The following DCC variants were observed in gnomAD, a reference collection of about 807,000 sequenced individuals.
DCC encodes the protein netrin receptor DCC.
A neutral mutation model predicts 172.5 loss-of-function variants in DCC; 58 were observed. The ratio of observed to expected loss-of-function variants is 0.34; its 90% CI spans 0.27 to 0.42. The LOEUF (loss-of-function observed/expected upper bound fraction) is 0.42, where lower values mean the gene tolerates loss of function less well. Ranked by LOEUF, DCC falls within the 10% of genes least tolerant of loss-of-function variation. DCC has a pLI of 1.00. For synonymous variants in DCC, 709 were observed against 644.5 expected, an observed-to-expected ratio of 1.10 and a Z score of -1.52; for missense variants, 1,740 against 1,791.0, an observed-to-expected ratio of 0.97 and a Z score of 0.51.
intron 1 of DCC, among the ~76,000 whole-genome samples, chr18:52,349,621 T>C (rs938884765): frequency 1.3e-5 from 2 of 152,146 alleles, no homozygotes; most frequent in East Asian, 1.9e-4. Context: ...TATTTTACAA[T>C]TCATCTGAGA....
chr18:53,369,839 A>G (rs550174314), intron 15 of DCC, among the ~76,000 whole-genome samples: 1 of 151,754 alleles, frequency 6.6e-6, no homozygotes, highest in African/African-American at 2.4e-5. Flanking sequence ...AATATAATAT[A>G]TGCTGCTGAA....
At chr18:52,474,347 T>C (rs370488226) in intron 1 of DCC, among the ~76,000 whole-genome samples, 6 of 152,024 alleles carry the variant, frequency 3.9e-5, no homozygotes, top group Admixed American at 6.6e-5. Flanking sequence ...TTTAGAGGCC[T>C]TATAAGACTC....
intron 12 of DCC, among the ~76,000 whole-genome samples, chr18:53,218,531 T>C (rs2055886473): frequency 6.6e-6 from 1 of 152,146 alleles, no homozygotes; most frequent in South Asian, 2.1e-4. Flanking sequence ...AGAATATTTT[T>C]ACAAAGCTGT....
intron 15 of DCC, among the ~76,000 whole-genome samples, chr18:53,382,104 A>ACACACACACACACACC (rs770734401): frequency 1.9e-5 from 1 of 52,830 alleles, no homozygotes. Flanking sequence ...ACACACACAC[A>ACACACACACACACACC]CCCCTACCTC....
At chr18:52,775,623 G>A (rs2037416618) in intron 2 of DCC, among the ~76,000 whole-genome samples, 1 of 152,276 alleles carries the variant, frequency 6.6e-6, no homozygotes, top group South Asian at 2.1e-4. Flanking sequence ...GCCTCGTCCC[G>A]CCGGTAGATG....
chr18:52,943,157 A>G (rs2040490037), intron 5 of DCC, among the ~76,000 whole-genome samples: 2 of 152,202 alleles, frequency 1.3e-5, no homozygotes, highest in Admixed American at 6.5e-5. Flanking sequence ...TAGAAGCACT[A>G]TTATAAATTT....
At chr18:53,016,911 C>T (rs992906241) in intron 5 of DCC, among the ~76,000 whole-genome samples, 12 of 152,094 alleles carry the variant, frequency 7.9e-5, no homozygotes, top group East Asian at 1.9e-4. Flanking sequence ...ATAAAGATGT[C>T]CTCTGTGAGA....
intron 1 of DCC, among the ~76,000 whole-genome samples, chr18:52,498,807 T>C (rs577951211): frequency 6.6e-6 from 1 of 152,068 alleles, no homozygotes; most frequent in Non-Finnish European, 1.5e-5. Flanking sequence ...ACCTCTGATG[T>C]CTCTTCCTCT....
At chr18:52,675,774 C>A (rs1452269550) in intron 1 of DCC, among the ~76,000 whole-genome samples, 1 of 152,190 alleles carries the variant, frequency 6.6e-6, no homozygotes, top group Non-Finnish European at 1.5e-5. Flanking sequence ...CAAGCGTTGA[C>A]ATAGAAAAAG....
chr18:53,113,429 A>G (rs552027521), intron 7 of DCC, among the ~76,000 whole-genome samples: 172 of 151,568 alleles, frequency 1.1e-3, no homozygotes, highest in African/African-American at 4.0e-3. Context: ...TGGAAATCTC[A>G]TAATCTTACC....
At chr18:53,199,582 T>C (rs1212992547) in intron 9 of DCC, among the ~76,000 whole-genome samples, 2 of 140,252 alleles carry the variant, frequency 1.4e-5, no homozygotes, top group African/African-American at 5.4e-5. Context: ...ATGTAAATAA[T>C]ATATTCTTCA....
At chr18:52,738,503 A>G (rs1335794751) in intron 1 of DCC, among the ~76,000 whole-genome samples, 1 of 152,174 alleles carries the variant, frequency 6.6e-6, no homozygotes, top group Non-Finnish European at 1.5e-5. Context: ...AAAATGATGG[A>G]CTTATATAAG....
In DCC at chr18:53,157,587, G is replaced by C. The variant is rs2054764297; in HGVS notation, c.1418+75G>C. The C allele has an allele frequency of 2.8e-5, 42 of 1,485,458 alleles. No individual in the cohort carries two copies. In the South Asian group the frequency reaches 4.5e-4, roughly 16 times the overall value. The allele number at this position is 1,485,458 out of a possible 1,614,324, so 92.0% of individuals were successfully genotyped here. A position where few individuals can be genotyped will look rare whatever the true frequency, so the allele number is the denominator to read the frequency against. ...TCAATACGGTTGGGTAATGGCAGGA[G>C]GAGATCTTGGGCAGGAACTTTGGAG... On this transcript the variant is annotated intron_variant, in intron 8 of 28. Transcript: ENST00000442544.
At chr18:52,430,947 C>T (rs55747330) in intron 1 of DCC, among the ~76,000 whole-genome samples, 17,686 of 152,084 alleles carry the variant, frequency 0.12, 1,114 homozygotes, top group South Asian at 0.16. Context: ...GAGGAATTTA[C>T]AAACTCTTTA....
At chr18:53,425,328 C>A (rs1181583463) in intron 21 of DCC, among the ~76,000 whole-genome samples, 1 of 145,484 alleles carries the variant, frequency 6.9e-6, no homozygotes, top group Admixed American at 7.0e-5. Context: ...GCTCTAATTT[C>A]TGTCCACAAT....
intron 5 of DCC, among the ~76,000 whole-genome samples, chr18:53,052,684 G>T (rs1344260937): frequency 2.0e-5 from 3 of 152,120 alleles, no homozygotes; most frequent in African/African-American, 7.2e-5. Context: ...AGGATACCTA[G>T]CTTTGCTGGC....
intron 2 of DCC, among the ~76,000 whole-genome samples, chr18:52,898,467 CTAAAG>C (rs1048406158): frequency 2.6e-4 from 39 of 152,260 alleles, no homozygotes; most frequent in African/African-American, 9.4e-4. Flanking sequence ...TGCTTGAAAA[CTAAAG>C]TACTTTAGAA....
chr18:52,404,756 C>A (rs1418758788), intron 1 of DCC, among the ~76,000 whole-genome samples: 1 of 151,152 alleles, frequency 6.6e-6, no homozygotes, highest in African/African-American at 2.4e-5. Context: ...TGGTGCGCTG[C>A]ACCCACTAAC....
chr18:52,494,088 A>T (rs1047969241), intron 1 of DCC, among the ~76,000 whole-genome samples: 2 of 151,774 alleles, frequency 1.3e-5, no homozygotes, highest in Non-Finnish European at 2.9e-5. Context: ...TTTGATGGCT[A>T]TTTTTGCTGG....
Sources: gnomAD v4.1 joint callset for allele counts (sites outside exome capture counted in the v4.1 genomes callset) on GRCh38, gnomAD v4.1.1 for gene constraint, MANE v1.5 for transcripts, NCBI Gene and HGNC (gene_info 2026-07-23, HGNC 2026-07-21) for gene names.